TLL2: variants seen among roughly 807,000 people sequenced by gnomAD.
The protein encoded by TLL2 is tolloid-like protein 2.
Under a neutral mutation model 123.0 loss-of-function variants are expected in TLL2, and 106 were observed. The ratio of observed to expected loss-of-function variants is 0.86; its 90% CI spans 0.74 to 1.01. The LOEUF is 1.01. TLL2 is among the 50% of genes least tolerant of loss of function. The pLI is 0.00. For synonymous variants in TLL2, 494 were observed against 516.8 expected, an observed-to-expected ratio of 0.96 and a Z score of 0.60; for missense variants, 1,332 against 1,336.7, an observed-to-expected ratio of 1.00 and a Z score of 0.06.
At chr10:96,371,812 G>A (rs1564892449) in intron 19 of TLL2, among the ~76,000 whole-genome samples, 1 of 152,218 alleles carries the variant, frequency 6.6e-6, no homozygotes, top group Non-Finnish European at 1.5e-5. Context: ...ATCAGAGGGA[G>A]GGAGGCGAGA....
chr10:96,502,896 A>ACTCAAGTG (rs144925168), intron 1 of TLL2, among the ~76,000 whole-genome samples: 2,121 of 152,232 alleles, frequency 0.014, 23 homozygotes, highest in Non-Finnish European at 0.021. Flanking sequence ...GAACATCTCC[A>ACTCAAGTG]CTCAAGTGCT....
At position 96,513,614 on chromosome 10, in the gene TLL2, C is replaced by G. The variant is rs1222916921; in HGVS notation, c.72G>C (p.Gly24=). 6.2e-7 allele frequency: 1 copy of G among 1,602,180 alleles called. No individual in the cohort carries two copies. Among genetic ancestry groups the G allele is most frequent in the Non-Finnish European group, 8.5e-7 (1 of 1,178,344 alleles). Residue 24 remains glycine, a synonymous_variant, in exon 1 of 21, where the codon GGG becomes GGC. Transcript: ENST00000357947. The part of the protein sequence containing the change: ...LLLLPLPRGA[G]GLGERPDATA... ...TGGCGTCCGGGCGCTCCCCGAGTCCCCCGGCGCCGCGAGGCAGCGGCAGCA... is the reference window on the plus strand; with the variant it reads ...TGGCGTCCGGGCGCTCCCCGAGTCCGCCGGCGCCGCGAGGCAGCGGCAGCA...
intron 16 of TLL2, among the ~76,000 whole-genome samples, chr10:96,383,110 C>A (rs1430833676): frequency 3.3e-5 from 5 of 152,128 alleles, no homozygotes; most frequent in Non-Finnish European, 7.3e-5. Flanking sequence ...GAGCACAGGG[C>A]ACCTGCAGAG....
intron 9 of TLL2, among the ~76,000 whole-genome samples, chr10:96,405,638 C>T (rs556755182): frequency 2.0e-5 from 3 of 152,148 alleles, no homozygotes; most frequent in East Asian, 1.9e-4. Context: ...CTGGCCAGGG[C>T]GCATGGAGAC....
intron 10 of TLL2, among the ~76,000 whole-genome samples, chr10:96,403,069 C>T (rs1424330538): frequency 6.6e-6 from 1 of 152,198 alleles, no homozygotes; most frequent in African/African-American, 2.4e-5. Flanking sequence ...AGAGCCCACC[C>T]TACAGACCCC....
In TLL2 at chr10:96,422,501, G is replaced by C. The variant is rs372538383; in HGVS notation, c.817+48C>G. On this transcript the variant is annotated intron_variant, in intron 6 of 20. Coordinates refer to ENST00000357947, the MANE Select transcript of TLL2 (RefSeq NM_012465.4). ...TTCCCTCCCTCCTGTCCCTGAGGTT[G>C]CCACCTTCTCGACCGGTGCCTTCCA... 3.4e-5 allele frequency: 55 copies of C among 1,605,610 alleles called. No homozygotes were observed. In the African/African-American group the frequency reaches 5.9e-4, roughly 17 times the overall value.
intron 1 of TLL2, among the ~76,000 whole-genome samples, chr10:96,502,439 G>A (rs928721403): frequency 2.6e-5 from 4 of 152,222 alleles, no homozygotes; most frequent in Non-Finnish European, 5.9e-5. Flanking sequence ...GCCCAGGTGT[G>A]AGCTTGGACC....
intron 9 of TLL2, among the ~76,000 whole-genome samples, chr10:96,407,864 TGTGC>T (rs1240161907): frequency 2.6e-5 from 4 of 152,146 alleles, no homozygotes; most frequent in African/African-American, 7.3e-5. Context: ...CATGCATGTG[TGTGC>T]GCACACGTGT....
At chr10:96,382,389 C>T (rs905819370) in intron 16 of TLL2, among the ~76,000 whole-genome samples, 1 of 152,258 alleles carries the variant, frequency 6.6e-6, no homozygotes, top group Admixed American at 6.5e-5. Flanking sequence ...CGAGAACAGG[C>T]TCTGTGCTAT....
At chr10:96,374,353 CA>C (rs1383661639) in intron 18 of TLL2, 8 of 163,206 alleles carry the variant, frequency 4.9e-5, no homozygotes, top group African/African-American at 9.6e-5. Flanking sequence ...TGCCCAAGGT[CA>C]CATACTGAGA....
intron 7 of TLL2, among the ~76,000 whole-genome samples, chr10:96,420,289 G>A (rs1414222812): frequency 6.6e-6 from 1 of 152,232 alleles, no homozygotes; most frequent in East Asian, 1.9e-4. Context: ...ACAGGGTCTA[G>A]AAGCAGGGAA....
At chr10:96,491,507 G>A (rs1340026154) in intron 1 of TLL2, among the ~76,000 whole-genome samples, 1 of 152,180 alleles carries the variant, frequency 6.6e-6, no homozygotes, top group African/African-American at 2.4e-5. Flanking sequence ...ATCACCAGGT[G>A]GTAGTGTTTC....
rs932269740 is a variant in TLL2 at position 96,416,826 on chromosome 10, C to T, written c.924-3510G>A. Among the ~76,000 whole-genome samples the T allele has an allele frequency of 2.6e-5, 4 of 152,294 alleles. No individual in the cohort carries two copies. The South Asian group carries it at 6.2e-4, about 24-fold the overall frequency. On this transcript the variant is annotated intron_variant, in intron 7 of 20. Coordinates refer to ENST00000357947, the MANE Select transcript of TLL2 (RefSeq NM_012465.4). ...TCCTTCCCTCTTTCATGTAGGACAA[C>T]TCTTAGCATTGACATTCTGCTAAAC...
rs1436540422 is a variant in TLL2, at chr10:96,383,697, T to G, written c.2194+890A>C. 2.0e-5 allele frequency among the ~76,000 whole-genome samples: 3 copies of G among 152,318 alleles called. No homozygotes were observed. The East Asian group carries it at 5.8e-4, about 29-fold the overall frequency. On this transcript the variant is annotated intron_variant, in intron 16 of 20. Transcript: ENST00000357947. The stretch of plus-strand genomic sequence containing the variant: ...ATGCCATGGCACCATCTTGGCTCAC[T>G]GCAACCTCCACCTCCTGTGTTCAAG...
intron 10 of TLL2, among the ~76,000 whole-genome samples, chr10:96,404,555 C>T (rs1208561616): frequency 6.6e-6 from 1 of 152,064 alleles, no homozygotes; most frequent in East Asian, 1.9e-4. Flanking sequence ...TTAATTCAGC[C>T]TGTACACATG....
At chr10:96,437,187 G>T (rs939062748) in intron 3 of TLL2, among the ~76,000 whole-genome samples, 1 of 151,978 alleles carries the variant, frequency 6.6e-6, no homozygotes, top group East Asian at 1.9e-4. Flanking sequence ...ATATTTTCTG[G>T]TATATAAAGT....
At chr10:96,394,123 G>C (rs1846315846) in intron 13 of TLL2, among the ~76,000 whole-genome samples, 1 of 152,210 alleles carries the variant, frequency 6.6e-6, no homozygotes, top group Admixed American at 6.5e-5. Context: ...GAGGAGAATG[G>C]AAGCAAGGGA....
At chr10:96,408,491 A>G (rs1046555055) in intron 9 of TLL2, among the ~76,000 whole-genome samples, 5 of 152,198 alleles carry the variant, frequency 3.3e-5, no homozygotes, top group Non-Finnish European at 5.9e-5. Context: ...ACACAGTTCA[A>G]ACATATCACA....
intron 5 of TLL2, among the ~76,000 whole-genome samples, chr10:96,423,923 T>C (rs1751224636): frequency 2.0e-5 from 3 of 152,114 alleles, no homozygotes; most frequent in African/African-American, 7.2e-5. Flanking sequence ...ATAAAGAAAA[T>C]GTGTACACAC....
Sources: allele counts gnomAD v4.1 joint callset (sites outside exome capture counted in the v4.1 genomes callset), GRCh38; gene constraint gnomAD v4.1.1; transcripts MANE v1.5; gene names NCBI Gene and HGNC (gene_info 2026-07-23, HGNC 2026-07-21).